The following DGKI variants were observed in gnomAD, a reference collection of about 807,000 sequenced individuals.
The protein encoded by DGKI is DAG kinase iota.
A neutral mutation model predicts 147.5 loss-of-function variants in DGKI; 55 were observed. That is an observed-to-expected ratio of 0.37 (90% confidence interval 0.30 to 0.47). DGKI has a LOEUF of 0.47. DGKI is among the 20% of genes least tolerant of loss of function. The probability of loss-of-function intolerance (pLI) is 1.00; values close to 1 mark genes in which losing one functional copy is unlikely to be tolerated. For synonymous variants in DGKI, 469 were observed against 477.1 expected, an observed-to-expected ratio of 0.98 and a Z score of 0.22; for missense variants, 1,007 against 1,323.8, an observed-to-expected ratio of 0.76 and a Z score of 3.71.
intron 1 of DGKI, among the ~76,000 whole-genome samples, chr7:137,819,221 T>C (rs1362681052): frequency 6.6e-6 from 1 of 152,108 alleles, no homozygotes; most frequent in Non-Finnish European, 1.5e-5. Context: ...TCACAGACGT[T>C]ACACCAGATA....
intron 32 of DGKI, among the ~76,000 whole-genome samples, chr7:137,395,314 C>T (rs1263874707): frequency 1.3e-5 from 2 of 152,234 alleles, no homozygotes; most frequent in African/African-American, 4.8e-5. Flanking sequence ...CCTCAACTCC[C>T]ATGACTTGGC....
chr7:137,413,996 T>G (rs1812262363), intron 28 of DGKI, among the ~76,000 whole-genome samples: 1 of 152,192 alleles, frequency 6.6e-6, no homozygotes, highest in Non-Finnish European at 1.5e-5. Flanking sequence ...AGTCACAAAG[T>G]TTTAGAAGAA....
intron 24 of DGKI, among the ~76,000 whole-genome samples, chr7:137,467,652 G>A (rs1585142315): frequency 1.3e-5 from 2 of 152,000 alleles, no homozygotes; most frequent in East Asian, 3.9e-4. Context: ...TCTATGGTAT[G>A]CGAAAAAAAT....
chr7:137,638,485 T>C (rs1465870752), intron 6 of DGKI, among the ~76,000 whole-genome samples: 2,492 of 123,376 alleles, frequency 0.02, 307 homozygotes, highest in African/African-American at 0.076. Flanking sequence ...TGTGTATATA[T>C]ATACACACAT....
chr7:137,451,688 T>G (rs1324372178), intron 27 of DGKI, among the ~76,000 whole-genome samples: 1 of 152,220 alleles, frequency 6.6e-6, no homozygotes, highest in African/African-American at 2.4e-5. Flanking sequence ...ATTTCAGTCT[T>G]TATATCTGGT....
chr7:137,745,964 G>T (rs1795314450), intron 1 of DGKI, among the ~76,000 whole-genome samples: 1 of 152,044 alleles, frequency 6.6e-6, no homozygotes, highest in Non-Finnish European at 1.5e-5. Flanking sequence ...TTTGTCGGTG[G>T]AAGAGACAAA....
At chr7:137,782,605 T>C (rs796168757) in intron 1 of DGKI, among the ~76,000 whole-genome samples, 22 of 152,240 alleles carry the variant, frequency 1.4e-4, no homozygotes, top group African/African-American at 5.3e-4. Context: ...CAGGTATCCC[T>C]GGGGAAGGTT....
chr7:137,585,163 G>A, intron 14 of DGKI, 46 bp downstream of exon 14: 1 of 1,608,488 alleles, frequency 6.2e-7, no homozygotes, highest in Non-Finnish European at 8.5e-7. Context: ...TGTAGCTCAG[G>A]CAGATGCTCC....
chr7:137,642,897 T>C (rs1290830128), intron 6 of DGKI, among the ~76,000 whole-genome samples: 4 of 149,854 alleles, frequency 2.7e-5, no homozygotes, highest in Admixed American at 1.3e-4. Context: ...GCAATTATTC[T>C]TCACTCCATC....
At chr7:137,777,070 G>A (rs926327456) in intron 1 of DGKI, among the ~76,000 whole-genome samples, 3 of 151,980 alleles carry the variant, frequency 2.0e-5, no homozygotes. Flanking sequence ...GCACATGCCT[G>A]TAGTCCTAGC....
intron 1 of DGKI, among the ~76,000 whole-genome samples, chr7:137,776,103 C>A (rs750523977): frequency 6.6e-5 from 10 of 152,132 alleles, no homozygotes; most frequent in Non-Finnish European, 1.0e-4. Flanking sequence ...GGTGATCCAC[C>A]TGCCTTGGCC....
chr7:137,410,135 G>A (rs1427335149), intron 29 of DGKI, among the ~76,000 whole-genome samples: 2 of 152,146 alleles, frequency 1.3e-5, no homozygotes, highest in Non-Finnish European at 2.9e-5. Context: ...GCCAGGTGCG[G>A]TGGCTCACAT....
chr7:137,392,921 G>A (rs1811417769), intron 32 of DGKI, among the ~76,000 whole-genome samples: 1 of 152,082 alleles, frequency 6.6e-6, no homozygotes, highest in African/African-American at 2.4e-5. Context: ...TTACAGAATG[G>A]CAAAATTTAA....
chr7:137,420,789 C>T (rs1364326610), intron 28 of DGKI, among the ~76,000 whole-genome samples: 10 of 152,112 alleles, frequency 6.6e-5, no homozygotes, highest in Admixed American at 6.5e-4. Flanking sequence ...GAGGCCGAGG[C>T]AGGTGAATCA....
At chr7:137,720,359 A>G (rs889572656) in intron 1 of DGKI, among the ~76,000 whole-genome samples, 4 of 141,126 alleles carry the variant, frequency 2.8e-5, no homozygotes, top group African/African-American at 8.0e-5. Flanking sequence ...CCGGGTTCAC[A>G]CCATTCTCCT....
chr7:137,497,757 T>G (rs564166192), intron 21 of DGKI, among the ~76,000 whole-genome samples: 82 of 152,182 alleles, frequency 5.4e-4, no homozygotes, highest in Non-Finnish European at 1.0e-3. Flanking sequence ...TTCCCCACCT[T>G]TGTGTACCCA....
At chr7:137,645,830 C>A (rs1821805499) in intron 5 of DGKI, among the ~76,000 whole-genome samples, 1 of 152,278 alleles carries the variant, frequency 6.6e-6, no homozygotes, top group East Asian at 1.9e-4. Flanking sequence ...AGCCCAGAAA[C>A]AAATATTTAT....
At chr7:137,641,534 A>T (rs1281370251) in intron 6 of DGKI, among the ~76,000 whole-genome samples, 1 of 152,230 alleles carries the variant, frequency 6.6e-6, no homozygotes, top group African/African-American at 2.4e-5. Context: ...AAAATATTGT[A>T]TAAAATTACC....
chr7:137,618,151 A>ATATT lies in DGKI; in HGVS notation c.993+1672_993+1673insAATA. On this transcript the variant is annotated intron_variant, in intron 8 of 32. Coordinates refer to ENST00000614521, the MANE Select transcript of DGKI (RefSeq NM_001321708.2). ...ACTATATATATATATATATATATAT[A>ATATT]TTTTTTTTTTTTTACTCTATCATTC... Among the ~76,000 whole-genome samples the ATATT allele has an allele frequency of 1.3e-3, 14 of 10,468 alleles. 2 individuals carry two copies. The highest frequency in any genetic ancestry group is 3.6e-3 in the Non-Finnish European group (6 of 1,650). 6.9% of individuals were successfully genotyped at this position (10,468 alleles called of 152,430 possible).
Sources: gnomAD v4.1 joint callset for allele counts (sites outside exome capture counted in the v4.1 genomes callset) on GRCh38, gnomAD v4.1.1 for gene constraint, MANE v1.5 for transcripts, NCBI Gene and HGNC (gene_info 2026-07-23, HGNC 2026-07-21) for gene names.